Variants in BNC2 observed in about 807,000 individuals in gnomAD.
The protein encoded by BNC2 is basonuclin zinc finger protein 2, also known as zinc finger protein basonuclin-2.
BNC2 carries 20 observed loss-of-function variants against 76.3 expected under a neutral mutation model. The ratio of observed to expected loss-of-function variants is 0.26; its 90% confidence interval spans 0.18 to 0.38. BNC2 has a LOEUF of 0.38. Among genes scored for constraint, BNC2 ranks in the 10% least tolerant of loss-of-function variants. The probability of loss-of-function intolerance (pLI) is 1.00; values close to 1 mark genes in which losing one functional copy is unlikely to be tolerated. For missense variants in BNC2, 1,382 were observed against 1,399.8 expected, an observed-to-expected ratio of 0.99 and a Z score of 0.20; for synonymous variants, 582 against 514.8, an observed-to-expected ratio of 1.13 and a Z score of -1.77.
chr9:16,861,814 A>G (rs2136210939), intron 1 of BNC2, among the ~76,000 whole-genome samples: 1 of 152,184 alleles, frequency 6.6e-6, no homozygotes, highest in East Asian at 1.9e-4. Context: ...ACAGTGAAAC[A>G]ACGTCTCTAC....
At chr9:16,433,043 T>G (rs1001858089) in intron 6 of BNC2, among the ~76,000 whole-genome samples, 3 of 152,176 alleles carry the variant, frequency 2.0e-5, no homozygotes, top group Non-Finnish European at 4.4e-5. Flanking sequence ...CAATTATGTT[T>G]CACAGTTCAC....
chr9:16,629,938 G>A (rs537329123), intron 3 of BNC2, among the ~76,000 whole-genome samples: 1 of 152,132 alleles, frequency 6.6e-6, no homozygotes, highest in African/African-American at 2.4e-5. Context: ...ACGGTTTGCC[G>A]CATCAATTGA....
intron 1 of BNC2, among the ~76,000 whole-genome samples, chr9:16,785,060 A>G (rs892784767): frequency 1.2e-4 from 18 of 152,226 alleles, no homozygotes; most frequent in African/African-American, 4.1e-4. Flanking sequence ...AGCATTTTAT[A>G]AAGACAGCTT....
chr9:16,732,169 A>AAAAAGT (rs1824525609), intron 2 of BNC2, among the ~76,000 whole-genome samples: 5 of 143,652 alleles, frequency 3.5e-5, no homozygotes, highest in African/African-American at 1.3e-4. Flanking sequence ...AAAAAAAAAG[A>AAAAAGT]AAAAGAAACA....
intron 1 of BNC2, among the ~76,000 whole-genome samples, chr9:16,853,388 G>A (rs180889523): frequency 1.4e-5 from 2 of 147,244 alleles, no homozygotes; most frequent in Admixed American, 1.4e-4. Context: ...CCTGAGTGAT[G>A]AGAGTGAGAC....
intron 1 of BNC2, among the ~76,000 whole-genome samples, chr9:16,824,649 T>C (rs1243367226): frequency 2.0e-5 from 3 of 152,124 alleles, no homozygotes; most frequent in Non-Finnish European, 2.9e-5. Context: ...GCCCAGCTAA[T>C]GCCATGCCTG....
intron 3 of BNC2, among the ~76,000 whole-genome samples, chr9:16,690,814 C>T (rs974523743): frequency 4.6e-5 from 7 of 152,148 alleles, no homozygotes; most frequent in Admixed American, 3.3e-4. Context: ...TTCTGTTATG[C>T]AACAGGTTGA....
At position 16,413,781 on chromosome 9, in the gene BNC2, G is replaced by A. The variant is rs7035049; in HGVS notation, c.*5208C>T. 0.56 allele frequency: 85,897 copies of A among 152,072 alleles called. 27,583 individuals are homozygous for A. The highest frequency in any genetic ancestry group is 0.88 in the African/African-American group (36,560 of 41,504). 9.4% of individuals were successfully genotyped at this position (152,072 alleles called of 1,614,324 possible). On this transcript the variant is annotated 3_prime_UTR_variant, in exon 7 of 7. Coordinates refer to ENST00000380672, the MANE Select transcript of BNC2 (RefSeq NM_017637.6). Reference sequence around the variant, plus strand: ...GTGTGGTTTATCTCTGAGGGAAAATGTGAAGAGAAGTTACTTACATACCTC... The same window carrying A: ...GTGTGGTTTATCTCTGAGGGAAAATATGAAGAGAAGTTACTTACATACCTC...
At chr9:16,538,023 A>G (rs1020912941) in intron 5 of BNC2, among the ~76,000 whole-genome samples, 1 of 152,230 alleles carries the variant, frequency 6.6e-6, no homozygotes, top group Non-Finnish European at 1.5e-5. Context: ...AGAAGTTTAC[A>G]TCTTTGATAA....
intron 1 of BNC2, among the ~76,000 whole-genome samples, chr9:16,758,880 T>C (rs1217494786): frequency 6.6e-6 from 1 of 151,604 alleles, no homozygotes; most frequent in East Asian, 1.9e-4. Context: ...CTGGTTGTAT[T>C]TATACTCACA....
intron 2 of BNC2, among the ~76,000 whole-genome samples, chr9:16,731,847 C>G: frequency 1.3e-5 from 2 of 151,972 alleles, no homozygotes; most frequent in South Asian, 4.1e-4. Context: ...CTATAGGTAC[C>G]ATGTTTTGGA....
intron 1 of BNC2, among the ~76,000 whole-genome samples, chr9:16,825,580 T>G (rs548120651): frequency 2.0e-4 from 31 of 152,154 alleles, no homozygotes; most frequent in African/African-American, 6.7e-4. Context: ...CTGAAAAAAG[T>G]AAACCTTTGT....
chr9:16,464,982 T>A (rs10733310), intron 5 of BNC2, among the ~76,000 whole-genome samples: 1 of 151,892 alleles, frequency 6.6e-6, no homozygotes, highest in Non-Finnish European at 1.5e-5. Context: ...TCAGGATGAT[T>A]CAGTGAATTC....
At chr9:16,806,371 TAAAAAAGAAAAA>T (rs1817911911) in intron 1 of BNC2, among the ~76,000 whole-genome samples, 1 of 151,230 alleles carries the variant, frequency 6.6e-6, no homozygotes, top group African/African-American at 2.4e-5. Context: ...AGTTTCTTTC[TAAAAAAGAAAAA>T]AGAAAAGAAA....
chr9:16,541,161 C>T (rs1193915172), intron 5 of BNC2, among the ~76,000 whole-genome samples: 1 of 152,204 alleles, frequency 6.6e-6, no homozygotes, highest in Non-Finnish European at 1.5e-5. Context: ...GAATGAATAA[C>T]ACACTGACCT....
At chr9:16,718,440 T>G (rs1259921472) in intron 3 of BNC2, among the ~76,000 whole-genome samples, 1 of 152,240 alleles carries the variant, frequency 6.6e-6, no homozygotes, top group Non-Finnish European at 1.5e-5. Flanking sequence ...TAAGCTCCAT[T>G]CAGTCCCATG....
At chr9:16,500,514 C>T (rs1360918327) in intron 5 of BNC2, among the ~76,000 whole-genome samples, 1 of 152,196 alleles carries the variant, frequency 6.6e-6, no homozygotes, top group African/African-American at 2.4e-5. Flanking sequence ...ACATTTCACT[C>T]ACTTGAAGTA....
intron 3 of BNC2, among the ~76,000 whole-genome samples, chr9:16,628,212 C>T (rs1821053255): frequency 6.6e-6 from 1 of 152,184 alleles, no homozygotes; most frequent in Non-Finnish European, 1.5e-5. Flanking sequence ...CAAGCCGGCT[C>T]ATCTGAAAGC....
chr9:16,778,717 G>C (rs1191674138), intron 1 of BNC2, among the ~76,000 whole-genome samples: 1 of 152,150 alleles, frequency 6.6e-6, no homozygotes, highest in African/African-American at 2.4e-5. Context: ...GGCTTCAAAC[G>C]AGATCCTTAA....
Sources: gnomAD v4.1 joint callset for allele counts (sites outside exome capture counted in the v4.1 genomes callset) on GRCh38, gnomAD v4.1.1 for gene constraint, MANE v1.5 for transcripts, NCBI Gene and HGNC (gene_info 2026-07-23, HGNC 2026-07-21) for gene names.